RAB7A: variants seen among roughly 807,000 people sequenced by gnomAD.
The protein encoded by RAB7A is ras-related protein Rab-7a.
In RAB7A, 2 loss-of-function variants were observed where a neutral mutation model predicts 24.5. The ratio of observed to expected loss-of-function variants is 0.08; its 90% CI spans 0.03 to 0.26. The LOEUF is 0.26. RAB7A is among the 10% of genes least tolerant of loss of function. The pLI, the probability that RAB7A is intolerant of heterozygous loss-of-function variation, is 1.00. For synonymous variants in RAB7A, 100 were observed against 95.9 expected, an observed-to-expected ratio of 1.04 and a Z score of -0.25; for missense variants, 118 against 255.7, an observed-to-expected ratio of 0.46 and a Z score of 3.67.
At position 128,792,253 on chromosome 3, in the gene RAB7A, T is replaced by G. The variant is rs79050908; in HGVS notation, c.-8-3107T>G. 8.4e-3 allele frequency among the ~76,000 whole-genome samples: 1,286 copies of G among 152,324 alleles called. 23 individuals are homozygous for G. The highest frequency in any genetic ancestry group is 0.029 in the African/African-American group (1,213 of 41,568). ...GTTGAAGTGTATTTCCTGTTTTTTTTCTTTTTAATATTATTAAACAGCATT... is the reference window on the plus strand; with the variant it reads ...GTTGAAGTGTATTTCCTGTTTTTTTGCTTTTTAATATTATTAAACAGCATT... On this transcript the variant is annotated intron_variant, in intron 1 of 5. Coordinates refer to ENST00000265062, the MANE Select transcript of RAB7A (RefSeq NM_004637.6).
chr3:128,728,778 T>G (rs936340657), intron 1 of RAB7A, among the ~76,000 whole-genome samples: 1 of 152,210 alleles, frequency 6.6e-6, no homozygotes, highest in Non-Finnish European at 1.5e-5. Flanking sequence ...TGGTAGCATT[T>G]TTTTGTTCAC....
chr3:128,760,042 C>G (rs2070765473), intron 1 of RAB7A, among the ~76,000 whole-genome samples: 1 of 152,092 alleles, frequency 6.6e-6, no homozygotes, highest in Non-Finnish European at 1.5e-5. Flanking sequence ...TTTGACTGGT[C>G]CTCAGGTGCC....
intron 1 of RAB7A, among the ~76,000 whole-genome samples, chr3:128,734,454 C>CA (rs10524458): frequency 0.11 from 9,117 of 84,794 alleles, 372 homozygotes; most frequent in African/African-American, 0.13. Context: ...GACCCTACCT[C>CA]AAAAAAAAAA....
At chr3:128,795,876 C>T (rs569461546) in intron 2 of RAB7A, among the ~76,000 whole-genome samples, 114 of 150,888 alleles carry the variant, frequency 7.6e-4, no homozygotes, top group Non-Finnish European at 1.0e-3. Context: ...CTCAGCCTCC[C>T]GAGGAGCTGG....
intron 1 of RAB7A, among the ~76,000 whole-genome samples, chr3:128,772,848 C>T (rs1932987419): frequency 6.6e-6 from 1 of 152,240 alleles, no homozygotes; most frequent in South Asian, 2.1e-4. Context: ...AGCCTCGGCC[C>T]CCCGAGGTGC....
At chr3:128,733,049 A>G (rs867503754) in intron 1 of RAB7A, among the ~76,000 whole-genome samples, 3 of 152,242 alleles carry the variant, frequency 2.0e-5, no homozygotes, top group Non-Finnish European at 4.4e-5. Context: ...TGCCATGGTA[A>G]CACTGGATAA....
At chr3:128,796,463 A>G (rs1167896919) in intron 2 of RAB7A, among the ~76,000 whole-genome samples, 1 of 152,172 alleles carries the variant, frequency 6.6e-6, no homozygotes, top group Non-Finnish European at 1.5e-5. Context: ...TAAAATAAAA[A>G]GATTCTGTGG....
chr3:128,728,332 A>G lies in RAB7A; in HGVS notation c.-9+1973A>G, dbSNP rs541702280. ...ACTTTAAGGCTTTGTTAATTTTAACAACAGCATTTGTATGGTTTGCTCTTC... is the reference window on the plus strand; with the variant it reads ...ACTTTAAGGCTTTGTTAATTTTAACGACAGCATTTGTATGGTTTGCTCTTC... On this transcript the variant is annotated intron_variant, in intron 1 of 5. Transcript: ENST00000265062. Among the ~76,000 whole-genome samples, 112 of 152,356 alleles carry G rather than the reference A, an allele frequency of 7.4e-4. 1 individual carries two copies. Among genetic ancestry groups the G allele is most frequent in the African/African-American group, 2.5e-3 (104 of 41,596 alleles).
intron 1 of RAB7A, among the ~76,000 whole-genome samples, chr3:128,769,789 TG>T (rs2070867328): frequency 6.6e-6 from 1 of 152,180 alleles, no homozygotes; most frequent in Non-Finnish European, 1.5e-5. Context: ...AAACTCCCAA[TG>T]GGCAGTAGCA....
At position 128,806,603 on chromosome 3, in the gene RAB7A, G is replaced by T; in HGVS notation, c.399+13G>T. On this transcript the variant is annotated intron_variant, in intron 4 of 5. Coordinates refer to ENST00000265062, the MANE Select transcript of RAB7A (RefSeq NM_004637.6). ...CGAAAACAGACAAGTAAGTACCAACGATGATAGATATTGTCACAGACACCT... is the reference window on the plus strand; with the variant it reads ...CGAAAACAGACAAGTAAGTACCAACTATGATAGATATTGTCACAGACACCT... 1 of 1,606,078 alleles carries T rather than the reference G, an allele frequency of 6.2e-7. No individual in the cohort carries two copies. Among genetic ancestry groups the T allele is most frequent in the African/African-American group, 1.3e-5 (1 of 74,890 alleles).
intron 1 of RAB7A, among the ~76,000 whole-genome samples, chr3:128,788,471 A>G (rs1015325637): frequency 1.3e-5 from 2 of 152,208 alleles, no homozygotes; most frequent in African/African-American, 4.8e-5. Flanking sequence ...AAAAAGCATT[A>G]AATTTGTAGG....
chr3:128,773,456 G>C (rs866735284), intron 1 of RAB7A, among the ~76,000 whole-genome samples: 1 of 144,686 alleles, frequency 6.9e-6, no homozygotes, highest in Non-Finnish European at 1.6e-5. Flanking sequence ...CAGCCGCCCC[G>C]TCCGGGAGGG....
chr3:128,806,688 G>T, intron 4 of RAB7A, 98 bp downstream of exon 4: 1 of 1,208,954 alleles, frequency 8.3e-7, no homozygotes. Flanking sequence ...GGCTCTAGGA[G>T]GTGCTGGTGG....
intron 1 of RAB7A, among the ~76,000 whole-genome samples, chr3:128,781,607 G>A (rs1311834581): frequency 6.6e-6 from 1 of 152,190 alleles, no homozygotes; most frequent in Non-Finnish European, 1.5e-5. Context: ...AGCCCCGGCG[G>A]TCGAGGCTGC....
chr3:128,729,425 C>G (rs2070411489), intron 1 of RAB7A, among the ~76,000 whole-genome samples: 1 of 152,056 alleles, frequency 6.6e-6, no homozygotes, highest in African/African-American at 2.4e-5. Flanking sequence ...AAAAAATTAG[C>G]CGGGCGTGGT....
chr3:128,770,065 C>T (rs1204400334), intron 1 of RAB7A, among the ~76,000 whole-genome samples: 7 of 150,580 alleles, frequency 4.6e-5, no homozygotes, highest in African/African-American at 1.2e-4. Context: ...TGCAGTGGCG[C>T]GATCTCGGCT....
chr3:128,807,711 C>T, intron 5 of RAB7A, 40 bp downstream of exon 5: 1 of 1,613,434 alleles, frequency 6.2e-7, no homozygotes, highest in Non-Finnish European at 8.5e-7. Flanking sequence ...CTGGTGATGC[C>T]TGACCACTGA....
At chr3:128,772,737 G>A (rs748846556) in intron 1 of RAB7A, among the ~76,000 whole-genome samples, 18 of 152,232 alleles carry the variant, frequency 1.2e-4, no homozygotes, top group South Asian at 2.1e-4. Flanking sequence ...CAGAAGGCGC[G>A]GGCCGCCACG....
chr3:128,727,379 C>A (rs1184686547), intron 1 of RAB7A, among the ~76,000 whole-genome samples: 1 of 151,822 alleles, frequency 6.6e-6, no homozygotes, highest in African/African-American at 2.4e-5. Flanking sequence ...ACTGCTTTCA[C>A]GTACCCCTGA....
Sources: gnomAD v4.1 joint callset for allele counts (sites outside exome capture counted in the v4.1 genomes callset) on GRCh38, gnomAD v4.1.1 for gene constraint, MANE v1.5 for transcripts, NCBI Gene and HGNC (gene_info 2026-07-23, HGNC 2026-07-21) for gene names.